HERC1: variants seen among roughly 807,000 people sequenced by gnomAD.
The protein encoded by HERC1 is HECT and RLD domain containing E3 ubiquitin protein ligase family member 1.
In HERC1, 160 loss-of-function variants were observed where a neutral mutation model predicts 554.3. The observed-to-expected ratio is 0.29, with a 90% CI of 0.25 to 0.33. HERC1 has a LOEUF of 0.33. HERC1 is among the 10% of genes least tolerant of loss of function. The pLI is 1.00. For missense variants in HERC1, 4,919 were observed against 5,918.5 expected (o/e 0.83, Z 5.54); for synonymous variants, 2,175 against 2,131.7 (o/e 1.02, Z -0.56).
At chr15:63,647,996 A>G (rs2069446923) in intron 55 of HERC1, 73 bp downstream of exon 55, 1 of 1,191,704 alleles carries the variant, frequency 8.4e-7, no homozygotes, top group Non-Finnish European at 1.2e-6. Context: ...TGACTTCTCC[A>G]CTGTGTAATC....
At chr15:63,773,141 C>T (rs910603815) in intron 2 of HERC1, among the ~76,000 whole-genome samples, 4 of 151,894 alleles carry the variant, frequency 2.6e-5, no homozygotes, top group East Asian at 1.9e-4. Flanking sequence ...CAAAGGATAC[C>T]GAAAAGACTA....
intron 70 of HERC1, among the ~76,000 whole-genome samples, chr15:63,627,243 T>C (rs1052390414): frequency 7.2e-5 from 11 of 152,130 alleles, no homozygotes; most frequent in African/African-American, 2.7e-4. Flanking sequence ...CTATGGGGAA[T>C]CTTAGGACCC....
chr15:63,708,538 G>C (rs1199668207), intron 24 of HERC1, among the ~76,000 whole-genome samples: 3 of 152,148 alleles, frequency 2.0e-5, no homozygotes, highest in Non-Finnish European at 4.4e-5. Context: ...GGTGTAGCAA[G>C]AAATGTTAGT....
intron 4 of HERC1, among the ~76,000 whole-genome samples, chr15:63,757,262 C>CTTTTTTT (rs56196711): frequency 2.1e-4 from 23 of 107,884 alleles, no homozygotes; most frequent in South Asian, 2.9e-4. Context: ...TTTTTATTTA[C>CTTTTTTT]TTTTTTTTTT....
intron 10 of HERC1, among the ~76,000 whole-genome samples, chr15:63,748,699 AT>A (rs2075142518): frequency 6.6e-6 from 1 of 152,184 alleles, no homozygotes; most frequent in Non-Finnish European, 1.5e-5. Context: ...ATTGATAAAT[AT>A]TTTTAATTGG....
In HERC1 at chr15:63,608,904, G is replaced by A. The variant is rs1167434212; in HGVS notation, c.*177C>T. 7 of 516,538 alleles carry A rather than the reference G, an allele frequency of 1.4e-5. No individual in the cohort carries two copies. In the South Asian group the frequency reaches 1.5e-4, roughly 11 times the overall value. 32.0% of individuals were successfully genotyped at this position (516,538 alleles called of 1,614,324 possible). On this transcript the variant is annotated 3_prime_UTR_variant, in exon 78 of 78. Coordinates refer to ENST00000443617, the MANE Select transcript of HERC1 (RefSeq NM_003922.4). ...TTTTTGTTGTTTTTGTACAATCACA[G>A]AAAAATAAAAACATCTAATTTCTTT... is the stretch of plus-strand genomic sequence containing the variant.
At chr15:63,772,769 T>C (rs1270150783) in intron 2 of HERC1, among the ~76,000 whole-genome samples, 2 of 152,152 alleles carry the variant, frequency 1.3e-5, no homozygotes, top group African/African-American at 2.4e-5. Flanking sequence ...ACAGAACCCA[T>C]GTCAACATTC....
chr15:63,645,037 A>G lies in HERC1; in HGVS notation c.11139T>C (p.Asn3713=), dbSNP rs568642940. The change falls in exon 57 of 78, where the codon AAT becomes AAC. Residue 3713 remains asparagine (N), a synonymous_variant. Transcript: ENST00000443617. ...CCCACCATCCTTCTGCACTAGTCAC[A>G]TTGGTCTGTGTAGTATCTTGAGGAA... ...WRIPQDTTQT[N]VTSAEGWWEQ... The G allele has an allele frequency of 1.2e-6, 2 of 1,613,792 alleles. No homozygotes were observed. Among genetic ancestry groups the G allele is most frequent in the Non-Finnish European group, 8.5e-7 (1 of 1,179,740 alleles).
chr15:63,775,629 TTTATCCTTCAGCCA>T lies in HERC1; in HGVS notation c.-20_-7del. 1 of 1,583,742 alleles carries T rather than the reference TTTATCCTTCAGCCA, an allele frequency of 6.3e-7. No homozygotes were observed. Among genetic ancestry groups the T allele is most frequent in the Non-Finnish European group, 8.6e-7 (1 of 1,166,508 alleles). ...GGTGGAATCATAGTTGCCATGTTGA[TTTATCCTTCAGCCA>T]TTAGTCCTGCAAAGGGAGAAGAGAA... On this transcript the variant is annotated 5_prime_UTR_variant, in exon 2 of 78. It removes an upstream start codon present in the reference 5' UTR. Coordinates refer to ENST00000443617, the MANE Select transcript of HERC1 (RefSeq NM_003922.4). This position sits in a 1 kb window ranked among gnomAD's most constrained non-coding sequence, Gnocchi z 4.0.
intron 76 of HERC1, among the ~76,000 whole-genome samples, chr15:63,613,917 T>TA (rs1365944731): frequency 6.6e-6 from 1 of 152,112 alleles, no homozygotes; most frequent in Non-Finnish European, 1.5e-5. Flanking sequence ...TAAAGGTCAA[T>TA]ACCCCACCAA....
chr15:63,655,647 G>A (rs1017829775), intron 50 of HERC1, 95 bp downstream of exon 50: 21 of 862,248 alleles, frequency 2.4e-5, no homozygotes, highest in Admixed American at 1.1e-4. Context: ...AGAAACTCAC[G>A]TCATATAATT....
intron 1 of HERC1, among the ~76,000 whole-genome samples, chr15:63,785,706 C>G (rs2076416622): frequency 6.6e-6 from 1 of 151,968 alleles, no homozygotes; most frequent in African/African-American, 2.4e-5. Flanking sequence ...GAGGTCAAGG[C>G]TGCAGTGAGT....
At chr15:63,774,468 C>T (rs2076058312) in intron 2 of HERC1, among the ~76,000 whole-genome samples, 1 of 152,108 alleles carries the variant, frequency 6.6e-6, no homozygotes, top group Non-Finnish European at 1.5e-5. Flanking sequence ...ATCCACAAAG[C>T]TAAAACTATA....
At chr15:63,709,945 G>C (rs929528190) in intron 24 of HERC1, among the ~76,000 whole-genome samples, 2 of 152,236 alleles carry the variant, frequency 1.3e-5, no homozygotes, top group African/African-American at 4.8e-5. Flanking sequence ...ATTTTAGACA[G>C]TCCTTCAGGG....
At chr15:63,676,053 G>A (rs538417168) in intron 37 of HERC1, among the ~76,000 whole-genome samples, 38 of 152,096 alleles carry the variant, frequency 2.5e-4, no homozygotes, top group African/African-American at 7.5e-4. Context: ...ACAGGCGCAC[G>A]CCACTACGGC....
intron 32 of HERC1, among the ~76,000 whole-genome samples, 152 bp downstream of exon 32, chr15:63,690,389 G>C (rs1383116151): frequency 6.6e-6 from 1 of 152,006 alleles, no homozygotes; most frequent in African/African-American, 2.4e-5. Flanking sequence ...CTCTCCTTGG[G>C]GGTGAAATAA....
intron 69 of HERC1, among the ~76,000 whole-genome samples, chr15:63,629,108 C>T (rs1316554740): frequency 6.6e-6 from 1 of 152,094 alleles, no homozygotes; most frequent in East Asian, 1.9e-4. Context: ...CGCCACCACA[C>T]CTGGCTAATT....
chr15:63,627,723 A>G (rs988131693), intron 70 of HERC1, among the ~76,000 whole-genome samples: 1 of 152,004 alleles, frequency 6.6e-6, no homozygotes, highest in Non-Finnish European at 1.5e-5. Context: ...AATGTGTAAG[A>G]ATGACAAATG....
At chr15:63,712,561 G>A (rs1356420397) in intron 24 of HERC1, among the ~76,000 whole-genome samples, 5 of 152,134 alleles carry the variant, frequency 3.3e-5, no homozygotes, top group Non-Finnish European at 7.3e-5. Context: ...TCAGATATAT[G>A]AATTTAGAGT....
Sources: gnomAD v4.1 joint callset for allele counts (sites outside exome capture counted in the v4.1 genomes callset) on GRCh38, gnomAD v4.1.1 for gene constraint, Gnocchi (gnomAD v3.1) non-coding constraint, MANE v1.5 for transcripts, NCBI Gene and HGNC (gene_info 2026-07-23, HGNC 2026-07-21) for gene names.